The following PLCB1 variants were observed in gnomAD, a reference collection of about 807,000 sequenced individuals.
PLCB1 encodes 1-phosphatidylinositol 4,5-bisphosphate phosphodiesterase beta-1.
A neutral mutation model predicts 161.8 loss-of-function variants in PLCB1; 46 were observed. The observed-to-expected ratio is 0.28, with a 90% confidence interval of 0.22 to 0.36. The LOEUF is 0.36. Among genes scored for constraint, PLCB1 ranks in the 10% least tolerant of loss-of-function variants. PLCB1 has a pLI of 1.00. For synonymous variants in PLCB1, 517 were observed against 503.7 expected (o/e 1.03, Z -0.35); for missense variants, 1,016 against 1,472.5 (o/e 0.69, Z 5.07).
At chr20:8,860,517 G>A (rs1220903367) in intron 31 of PLCB1, among the ~76,000 whole-genome samples, 1 of 152,160 alleles carries the variant, frequency 6.6e-6, no homozygotes, top group African/African-American at 2.4e-5. Flanking sequence ...TAACCTTTAA[G>A]AGGTAACAGT....
rs6055775 is a variant in PLCB1, at chr20:8,371,367, G to A, written c.178-15G>A. On this transcript the variant is annotated splice_polypyrimidine_tract_variant and intron_variant, in intron 2 of 31. Coordinates refer to ENST00000338037, the MANE Select transcript of PLCB1 (RefSeq NM_015192.4). Reference sequence around the variant, plus strand: ...CTGTGTCGTTGCTTAACGATTTCACGTTTTTGCCTTCCAGGAGACAGAGCT... The same window carrying A: ...CTGTGTCGTTGCTTAACGATTTCACATTTTTGCCTTCCAGGAGACAGAGCT... 3,249 of 1,601,656 alleles carry A rather than the reference G, an allele frequency of 2.0e-3. 64 individuals carry two copies. The African/African-American group carries it at 0.038, about 19-fold the overall frequency.
chr20:8,493,783 A>T lies in PLCB1; in HGVS notation c.246+122333A>T, dbSNP rs1209210479. On this transcript the variant is annotated intron_variant, in intron 3 of 31. Transcript: ENST00000338037. ...AGAGTCTGCATGAGTGCTGTGTGCT[A>T]TAGCATCACTGGAAGCTGAACCTCA... is the stretch of plus-strand genomic sequence containing the variant. 1.5e-3 allele frequency among the ~76,000 whole-genome samples: 119 copies of T among 81,864 alleles called. 1 individual carries two copies. Among genetic ancestry groups the T allele is most frequent in the African/African-American group, 4.8e-3 (105 of 22,078 alleles). The allele number at this position is 81,864 out of a possible 152,430, so 53.7% of individuals were successfully genotyped here.
intron 3 of PLCB1, among the ~76,000 whole-genome samples, chr20:8,473,678 C>T (rs1380022955): frequency 6.6e-6 from 1 of 152,144 alleles, no homozygotes; most frequent in Non-Finnish European, 1.5e-5. Context: ...GGCCTCTTCT[C>T]CAAAATAGAA....
At chr20:8,774,012 T>C (rs532560887) in intron 26 of PLCB1, among the ~76,000 whole-genome samples, 1 of 152,204 alleles carries the variant, frequency 6.6e-6, no homozygotes, top group East Asian at 1.9e-4. Context: ...AGAACTCAGA[T>C]GTCAGCCAGG....
At chr20:8,371,188 G>T (rs1335326084) in intron 2 of PLCB1, 194 bp from the exon 3 acceptor site, 11 of 535,798 alleles carry the variant, frequency 2.1e-5, no homozygotes, top group Admixed American at 3.6e-5. Context: ...GTATAACTGA[G>T]CAGTTAGCAG....
At chr20:8,763,782 G>C (rs2123581683) in intron 25 of PLCB1, among the ~76,000 whole-genome samples, 1 of 152,148 alleles carries the variant, frequency 6.6e-6, no homozygotes, top group African/African-American at 2.4e-5. Flanking sequence ...GCCTCCCAAA[G>C]TGCTGGGATT....
At chr20:8,350,311 C>G (rs983655409) in intron 2 of PLCB1, among the ~76,000 whole-genome samples, 2 of 152,172 alleles carry the variant, frequency 1.3e-5, no homozygotes, top group African/African-American at 4.8e-5. Flanking sequence ...ACTCATCATT[C>G]AGCTTCCACT....
intron 3 of PLCB1, among the ~76,000 whole-genome samples, chr20:8,504,827 C>T (rs142763695): frequency 0.013 from 2,051 of 152,262 alleles, 26 homozygotes; most frequent in Middle Eastern, 0.027. Context: ...AATGGACAGT[C>T]GTGCTCTTTT....
chr20:8,541,575 A>AGAAAG (rs1555769048), intron 3 of PLCB1, among the ~76,000 whole-genome samples: 3 of 149,270 alleles, frequency 2.0e-5, no homozygotes, highest in Admixed American at 1.4e-4. Flanking sequence ...AAAGAAAGAA[A>AGAAAG]GAAAGAAAGA....
chr20:8,516,533 A>G (rs150178293), intron 3 of PLCB1, among the ~76,000 whole-genome samples: 11 of 152,068 alleles, frequency 7.2e-5, no homozygotes, highest in African/African-American at 2.2e-4. Flanking sequence ...ATGTAAGTAC[A>G]ATAATGTTGA....
intron 12 of PLCB1, chr20:8,715,943 G>C (rs1281694865): frequency 3.7e-6 from 1 of 268,512 alleles, no homozygotes; most frequent in East Asian, 6.8e-5. Context: ...TGGAATCAGC[G>C]AGTTAAACAA....
chr20:8,561,312 AT>A (rs1448113467), intron 3 of PLCB1, among the ~76,000 whole-genome samples: 4 of 151,956 alleles, frequency 2.6e-5, no homozygotes, highest in Non-Finnish European at 5.9e-5. Context: ...TTAGAACATA[AT>A]ATAATTATGA....
intron 3 of PLCB1, among the ~76,000 whole-genome samples, chr20:8,592,849 A>G (rs1028639010): frequency 1.3e-5 from 2 of 152,162 alleles, no homozygotes; most frequent in Non-Finnish European, 2.9e-5. Context: ...ATCTGATTTA[A>G]ACATCACAGT....
intron 2 of PLCB1, among the ~76,000 whole-genome samples, chr20:8,273,803 T>C (rs1034235383): frequency 6.6e-6 from 1 of 152,194 alleles, no homozygotes; most frequent in African/African-American, 2.4e-5. Context: ...GTTTCTAAAA[T>C]GTATGGTGTA....
chr20:8,700,552 A>G (rs577555051), intron 11 of PLCB1, among the ~76,000 whole-genome samples: 23 of 152,304 alleles, frequency 1.5e-4, no homozygotes, highest in African/African-American at 5.5e-4. Flanking sequence ...AACCACGTCC[A>G]TACACTTGCC....
intron 2 of PLCB1, among the ~76,000 whole-genome samples, chr20:8,280,006 A>G (rs571420672): frequency 6.6e-6 from 1 of 152,246 alleles, no homozygotes; most frequent in South Asian, 2.1e-4. Context: ...TACATTTCTT[A>G]ATGCATTTTA....
At chr20:8,707,802 T>C (rs1047407566) in intron 11 of PLCB1, among the ~76,000 whole-genome samples, 3 of 152,344 alleles carry the variant, frequency 2.0e-5, no homozygotes, top group Middle Eastern at 3.4e-3. Flanking sequence ...ATTTTGTACA[T>C]ATATTGAAAC....
intron 2 of PLCB1, among the ~76,000 whole-genome samples, chr20:8,227,656 C>A (rs1400430600): frequency 6.6e-6 from 1 of 152,186 alleles, no homozygotes; most frequent in Non-Finnish European, 1.5e-5. Context: ...GTTGAAACAG[C>A]CACGCTTTAA....
chr20:8,839,717 T>G (rs1329139268), intron 31 of PLCB1, among the ~76,000 whole-genome samples: 1 of 148,640 alleles, frequency 6.7e-6, no homozygotes, highest in Non-Finnish European at 1.5e-5. Flanking sequence ...CTCAGTCACA[T>G]TATTTTTTAG....
Sources: gnomAD v4.1 joint callset for allele counts (sites outside exome capture counted in the v4.1 genomes callset) on GRCh38, gnomAD v4.1.1 for gene constraint, MANE v1.5 for transcripts, NCBI Gene and HGNC (gene_info 2026-07-23, HGNC 2026-07-21) for gene names.